PDGFRA: variants seen among roughly 807,000 people sequenced by gnomAD.
PDGFRA encodes platelet-derived growth factor receptor alpha.
A neutral mutation model predicts 121.5 loss-of-function variants in PDGFRA; 25 were observed. The ratio of observed to expected loss-of-function variants is 0.21; its 90% confidence interval spans 0.15 to 0.29. PDGFRA has a LOEUF of 0.29. Ranked by LOEUF, PDGFRA falls within the 10% of genes least tolerant of loss-of-function variation. PDGFRA has a pLI of 1.00. For missense variants in PDGFRA, 1,008 were observed against 1,345.1 expected, an observed-to-expected ratio of 0.75 and a Z score of 3.92; for synonymous variants, 463 against 494.8, an observed-to-expected ratio of 0.94 and a Z score of 0.85.
Position 54,289,044 on chromosome 4 carries a change from C to T in PDGFRA, c.2810C>T (p.Pro937Leu), listed in dbSNP as rs267600188. 1.2e-6 allele frequency: 2 copies of T among 1,611,222 alleles called. No individual in the cohort carries two copies. The highest frequency in any genetic ancestry group is 1.7e-6 in the Non-Finnish European group (2 of 1,177,688). The change falls in exon 21 of 23, where the codon CCG (proline) becomes CTG (leucine). Residue 937 changes from proline to leucine, a missense_variant. Physicochemically the swap from Pro to Leu is moderately conservative, Grantham distance 98 (BLOSUM62 -3). Transcript: ENST00000257290. ...ATGGTGAAATGCTGGAACAGTGAGC[C>T]GGAGAAGAGACCCTCCTTTTACCAC... ...EIMVKCWNSE[P>L]EKRPSFYHLS...
intron 1 of PDGFRA, among the ~76,000 whole-genome samples, chr4:54,232,861 C>G (rs182236278): frequency 6.6e-6 from 1 of 152,220 alleles, no homozygotes; most frequent in Non-Finnish European, 1.5e-5. Context: ...CTGGGATTTA[C>G]AGGCGTAAGC....
At chr4:54,273,434 G>A (rs1429453267) in intron 9 of PDGFRA, 103 bp from the exon 10 acceptor site, 1 of 900,222 alleles carries the variant, frequency 1.1e-6, no homozygotes, top group Admixed American at 1.7e-5. Flanking sequence ...CCGAAATGCA[G>A]ACAAGGTCCC....
At position 54,277,941 on chromosome 4, in the gene PDGFRA, A is replaced by T. The variant is rs2110311360; in HGVS notation, c.1937A>T (p.Lys646Met). ...SEKQALMSEL[K>M]IMTHLGPHLN... ...AAACAAGCTCTCATGTCTGAACTGA[A>T]GATAATGACTCACCTGGGGCCACAT... The change falls in exon 14 of 23, where the codon AAG (lysine) becomes ATG (methionine). Residue 646 changes from lysine to methionine, a missense_variant. By Grantham distance (95) the Lys-to-Met change is moderately conservative. Coordinates refer to ENST00000257290, the MANE Select transcript of PDGFRA (RefSeq NM_006206.6). 1.2e-6 allele frequency: 2 copies of T among 1,614,010 alleles called. No individual in the cohort carries two copies. Among genetic ancestry groups the T allele is most frequent in the Non-Finnish European group, 1.7e-6 (2 of 1,179,864 alleles).
chr4:54,249,504 A>T (rs1015841400), intron 1 of PDGFRA, among the ~76,000 whole-genome samples: 2 of 152,164 alleles, frequency 1.3e-5, no homozygotes, highest in Non-Finnish European at 2.9e-5. Context: ...TGAAATTGGA[A>T]ATCATCATTC....
intron 1 of PDGFRA, among the ~76,000 whole-genome samples, chr4:54,240,443 C>A (rs139327697): frequency 2.6e-5 from 4 of 152,152 alleles, no homozygotes; most frequent in Admixed American, 2.0e-4. Context: ...CTGGGCTTTT[C>A]GGCATTTGGA....
intron 1 of PDGFRA, among the ~76,000 whole-genome samples, chr4:54,246,816 C>A (rs1215091142): frequency 6.6e-6 from 1 of 150,934 alleles, no homozygotes; most frequent in African/African-American, 2.4e-5. Context: ...TGATAGACTG[C>A]TAGCAAGACT....
At chr4:54,266,232 G>A (rs182102200) in intron 5 of PDGFRA, among the ~76,000 whole-genome samples, 1 of 152,080 alleles carries the variant, frequency 6.6e-6, no homozygotes, top group Non-Finnish European at 1.5e-5. Context: ...TATAATCAAA[G>A]TATTGTTTCA....
chr4:54,237,656 G>A (rs57644424), intron 1 of PDGFRA, among the ~76,000 whole-genome samples: 2,289 of 152,342 alleles, frequency 0.015, 55 homozygotes, highest in African/African-American at 0.052. Flanking sequence ...CACCGCAGCA[G>A]TGTGGAAGCC....
intron 14 of PDGFRA, 120 bp downstream of exon 14, chr4:54,278,126 T>C (rs1294923906): frequency 4.0e-6 from 3 of 755,380 alleles, no homozygotes; most frequent in Admixed American, 4.0e-5. Flanking sequence ...AGAAGTCCCT[T>C]GAATGGAGCT....
intron 5 of PDGFRA, among the ~76,000 whole-genome samples, chr4:54,266,667 A>C (rs545084991): frequency 6.6e-6 from 1 of 152,174 alleles, no homozygotes; most frequent in Non-Finnish European, 1.5e-5. Flanking sequence ...CAAACACCTT[A>C]TATGTGTCAT....
chr4:54,288,386 C>T (rs1020462972), intron 19 of PDGFRA, among the ~76,000 whole-genome samples: 2 of 152,098 alleles, frequency 1.3e-5, no homozygotes, highest in Non-Finnish European at 2.9e-5. Context: ...TCCTGTACTC[C>T]CTTAAAAGCA....
rs984854314 is a variant in PDGFRA, at chr4:54,295,942, G to C, written c.*670G>C. ...AATCTATGTTTATAATACTACTACTGTTATCAGTAATGCTAAATGTGTAAT... is the reference window on the plus strand; with the variant it reads ...AATCTATGTTTATAATACTACTACTCTTATCAGTAATGCTAAATGTGTAAT... On this transcript the variant is annotated 3_prime_UTR_variant, in exon 23 of 23. Transcript: ENST00000257290. The C allele has an allele frequency of 8.6e-6, 2 of 233,048 alleles. No homozygotes were observed. The highest frequency in any genetic ancestry group is 5.6e-5 in the Admixed American group (1 of 17,768). The allele number at this position is 233,048 out of a possible 1,614,324, so 14.4% of individuals were successfully genotyped here.
chr4:54,277,083 C>T (rs896965934), intron 12 of PDGFRA: 4 of 434,028 alleles, frequency 9.2e-6, no homozygotes, highest in South Asian at 7.2e-5. Context: ...GCAAGAGGAT[C>T]CCAGGGGCTG....
chr4:54,286,319 TTTTATTTATTTATTTATTTA>T (rs144165770), intron 18 of PDGFRA, among the ~76,000 whole-genome samples: 30 of 146,408 alleles, frequency 2.0e-4, no homozygotes, highest in African/African-American at 7.3e-4. Flanking sequence ...ATGTTAGCTA[TTTTATTTATTTATTTATTTA>T]TTTATTTATT....
chr4:54,242,567 A>G (rs1287572419), intron 1 of PDGFRA, among the ~76,000 whole-genome samples: 2 of 152,064 alleles, frequency 1.3e-5, no homozygotes, highest in Non-Finnish European at 2.9e-5. Context: ...ACACATATAT[A>G]TGTATGTATG....
chr4:54,266,047 G>A (rs1179637218), intron 5 of PDGFRA, among the ~76,000 whole-genome samples: 1 of 152,198 alleles, frequency 6.6e-6, no homozygotes, highest in African/African-American at 2.4e-5. Context: ...TTCACACAGT[G>A]AAGGGACATT....
At chr4:54,276,166 G>A (rs1435183413) in intron 12 of PDGFRA, among the ~76,000 whole-genome samples, 1 of 152,104 alleles carries the variant, frequency 6.6e-6, no homozygotes, top group East Asian at 1.9e-4. Flanking sequence ...CAAGAGGACA[G>A]CATCAGCTCC....
At chr4:54,283,645 A>G (rs2110331855) in intron 16 of PDGFRA, among the ~76,000 whole-genome samples, 1 of 152,342 alleles carries the variant, frequency 6.6e-6, no homozygotes, top group Non-Finnish European at 1.5e-5. Flanking sequence ...TTAGTTATGC[A>G]AATTTCTCTA....
At chr4:54,284,021 T>C (rs370257273) in intron 16 of PDGFRA, among the ~76,000 whole-genome samples, 12 of 152,362 alleles carry the variant, frequency 7.9e-5, no homozygotes, top group Admixed American at 3.3e-4. Flanking sequence ...AGAAATTTCT[T>C]CCACCAGATA....
Sources: allele counts gnomAD v4.1 joint callset (sites outside exome capture counted in the v4.1 genomes callset), GRCh38; gene constraint gnomAD v4.1.1; transcripts MANE v1.5; gene names NCBI Gene and HGNC (gene_info 2026-07-23, HGNC 2026-07-21).